The following PAGR1 variants were observed in gnomAD, a reference collection of about 807,000 sequenced individuals.
PAGR1 encodes the protein PAXIP1-associated glutamate-rich protein 1.
In PAGR1, 20 loss-of-function variants were observed where a neutral mutation model predicts 22.4. The ratio of observed to expected loss-of-function variants is 0.89; its 90% CI spans 0.63 to 1.30. PAGR1 has a LOEUF of 1.30. PAGR1 is among the 50% of genes most tolerant of loss of function. PAGR1 has a pLI of 0.00. For synonymous variants in PAGR1, 161 were observed against 148.3 expected (o/e 1.09, Z -0.62); for missense variants, 338 against 343.6 (o/e 0.98, Z 0.13).
In PAGR1 at chr16:29,817,025, C is replaced by A; in HGVS notation, c.482+18C>A. 1 of 1,556,726 alleles carries A rather than the reference C, an allele frequency of 6.4e-7. No individual in the cohort carries two copies. The highest frequency in any genetic ancestry group is 2.3e-5 in the East Asian group (1 of 42,738). ...GAGGAAAAGTAAAGGCACACCCTTACACCTTGTCCCGGGGCTGCTCCCCTG... is the reference window on the plus strand; with the variant it reads ...GAGGAAAAGTAAAGGCACACCCTTAAACCTTGTCCCGGGGCTGCTCCCCTG... On this transcript the variant is annotated intron_variant, in intron 1 of 2. Coordinates refer to ENST00000320330, the MANE Select transcript of PAGR1 (RefSeq NM_024516.4).
At position 29,821,358 on chromosome 16, in the gene PAGR1, G is replaced by A. The variant is rs2067358277; in HGVS notation, c.*1604G>A. On this transcript the variant is annotated 3_prime_UTR_variant, in exon 3 of 3. Coordinates refer to ENST00000320330, the MANE Select transcript of PAGR1 (RefSeq NM_024516.4). ...GTCGGCCCTCGGGTGTGGCTGTTTG[G>A]GCAGGACAGCCCTCTGTATGTAGCC... The A allele has an allele frequency of 6.6e-6, 1 of 152,214 alleles. No individual in the cohort carries two copies. The highest frequency in any genetic ancestry group is 2.4e-5 in the African/African-American group (1 of 41,436). 9.4% of individuals were successfully genotyped at this position (152,214 alleles called of 1,614,324 possible).
In PAGR1 at chr16:29,816,171, C is replaced by G; in HGVS notation, c.-355C>G. ...AGCTCCAGGTGCGTACGGCATCTGA[C>G]TTGACGTGGCCCACAACTGAAAGGT... On this transcript the variant is annotated 5_prime_UTR_variant, in exon 1 of 3. Transcript: ENST00000320330. The G allele has an allele frequency of 5.7e-6, 2 of 348,710 alleles. No individual in the cohort carries two copies. Among genetic ancestry groups the G allele is most frequent in the Non-Finnish European group, 1.0e-5 (2 of 194,248 alleles). 21.6% of individuals were successfully genotyped at this position (348,710 alleles called of 1,614,324 possible).
rs565903622 is a variant in PAGR1, at chr16:29,820,458, G to A, written c.*704G>A. On this transcript the variant is annotated 3_prime_UTR_variant, in exon 3 of 3. Coordinates refer to ENST00000320330, the MANE Select transcript of PAGR1 (RefSeq NM_024516.4). ...CTGCCGGGAAGTGATCCCCAAGGCA[G>A]GGTGAGAGTTCCCCATCTGAGGCGT... is the stretch of plus-strand genomic sequence containing the variant. 4 of 151,504 alleles carry A rather than the reference G, an allele frequency of 2.6e-5. No homozygotes were observed. The East Asian group carries it at 7.7e-4, about 29-fold the overall frequency. The allele number at this position is 151,504 out of a possible 1,614,324, so 9.4% of individuals were successfully genotyped here. A position where few individuals can be genotyped will look rare whatever the true frequency, so the allele number is the denominator to read the frequency against.
chr16:29,817,300 CG>C lies in PAGR1; in HGVS notation c.565+9del. 6.2e-7 allele frequency: 1 copy of C among 1,613,660 alleles called. No individual in the cohort carries two copies. The highest frequency in any genetic ancestry group is 1.3e-5 in the African/African-American group (1 of 74,972). On this transcript the variant is annotated intron_variant, in intron 2 of 2. Transcript: ENST00000320330. ...ACCGGAGACGCACCCCAGGTACAAA[CG>C]AAGAGGAAACAGTTGGGGGAGGTGA... is the stretch of plus-strand genomic sequence containing the variant.
Position 29,819,911 on chromosome 16 carries a change from G to A in PAGR1, c.*157G>A. 1 of 803,532 alleles carries A rather than the reference G, an allele frequency of 1.2e-6. No individual in the cohort carries two copies. Among genetic ancestry groups the A allele is most frequent in the Non-Finnish European group, 1.9e-6 (1 of 523,522 alleles). 49.8% of individuals were successfully genotyped at this position (803,532 alleles called of 1,614,324 possible). On this transcript the variant is annotated 3_prime_UTR_variant, in exon 3 of 3. Transcript: ENST00000320330. The stretch of plus-strand genomic sequence containing the variant: ...AAAGAGGAAGAGAGAGTGTGAGTGT[G>A]TGTGTGTGTTTTTTCTATTGAACAC...
rs577338099 is a variant in PAGR1, at chr16:29,817,056, G to A, written c.482+49G>A. 26 of 1,553,352 alleles carry A rather than the reference G, an allele frequency of 1.7e-5. 1 individual carries two copies. The highest frequency in any genetic ancestry group is 1.7e-4 in the Middle Eastern group (1 of 5,898). ...GTCCCGGGGCTGCTCCCCTGATGGC[G>A]GGAGGAAATAGGGAGGGGAAAATGT... On this transcript the variant is annotated intron_variant, in intron 1 of 2. Transcript: ENST00000320330.
intron 1 of PAGR1, 88 bp downstream of exon 1, chr16:29,817,095 C>T (rs1005170168): frequency 4.5e-6 from 7 of 1,572,886 alleles, no homozygotes; most frequent in African/African-American, 2.7e-5. Context: ...ACGCTGGAAC[C>T]TTTGAAAGTG....
At chr16:29,817,555 C>G (rs1161474617) in intron 2 of PAGR1, among the ~76,000 whole-genome samples, 1 of 144,792 alleles carries the variant, frequency 6.9e-6, no homozygotes, top group Non-Finnish European at 1.5e-5. Context: ...CTCACTGCAA[C>G]CTCCGCCTCC....
chr16:29,816,206 A>C lies in PAGR1; in HGVS notation c.-320A>C. On this transcript the variant is annotated 5_prime_UTR_variant, in exon 1 of 3. Transcript: ENST00000320330. ...CCCACAACTGAAAGGTCTGGGGAGA[A>C]GGCGCCGTGTCCGGGTGTGGAGAGG... The C allele has an allele frequency of 2.6e-6, 1 of 387,776 alleles. No homozygotes were observed. 24.0% of individuals were successfully genotyped at this position (387,776 alleles called of 1,614,324 possible).
intron 2 of PAGR1, 178 bp from the exon 3 acceptor site, chr16:29,819,377 A>G (rs1363102167): frequency 3.0e-6 from 2 of 659,782 alleles, no homozygotes; most frequent in African/African-American, 1.8e-5. Context: ...CCTTCCTGTC[A>G]ATCAAGATCT....
At chr16:29,817,372 T>G in intron 2 of PAGR1, 80 bp downstream of exon 2, 1 of 1,380,736 alleles carries the variant, frequency 7.2e-7, no homozygotes, top group Non-Finnish European at 1.0e-6. Flanking sequence ...TAGAGGCCTT[T>G]GCTTGCTGCC....
Position 29,817,267 on chromosome 16 carries a change from C to T in PAGR1, c.540C>T (p.Ser180=), listed in dbSNP as rs773539254. The T allele has an allele frequency of 5.6e-6, 9 of 1,613,878 alleles. No individual in the cohort carries two copies. The Admixed American group carries it at 1.2e-4, about 21-fold the overall frequency. ...FDDEPVTPKD[S]LIDRRRTPGS... ...ATGAGCCAGTGACACCAAAGGACTCCCTGATTGACCGGAGACGCACCCCAG... is the reference window on the plus strand; with the variant it reads ...ATGAGCCAGTGACACCAAAGGACTCTCTGATTGACCGGAGACGCACCCCAG... Residue 180 remains serine (S), a synonymous_variant, in exon 2 of 3, where the codon TCC becomes TCT. Coordinates refer to ENST00000320330, the MANE Select transcript of PAGR1 (RefSeq NM_024516.4).
Position 29,816,893 on chromosome 16 carries a change from G to T in PAGR1, c.368G>T (p.Gly123Val). The T allele has an allele frequency of 6.4e-7, 1 of 1,563,130 alleles. No homozygotes were observed. The stretch of plus-strand genomic sequence containing the variant: ...CTCTATGAACTGCTGGCTGCCCACG[G>T]TACTCTGGAGCTGCAAGCCGAGATC... ...QRLYELLAAH[G>V]TLELQAEILP... is the part of the protein sequence containing the mutation. Residue 123 changes from glycine to valine, a missense_variant, in exon 1 of 3, where the codon GGT (glycine) becomes GTT (valine). Gly to Val is a moderately radical substitution (Grantham distance 109). Around this residue, in one of 3 missense-constraint regions of PAGR1, gnomAD observed 235 missense variants for 216.0 expected, o/e 1.09. Transcript: ENST00000320330.
chr16:29,816,168 T>C lies in PAGR1; in HGVS notation c.-358T>C. ...CTTAGCTCCAGGTGCGTACGGCATC[T>C]GACTTGACGTGGCCCACAACTGAAA... is the stretch of plus-strand genomic sequence containing the variant. On this transcript the variant is annotated 5_prime_UTR_variant, in exon 1 of 3. Transcript: ENST00000320330. 2.9e-6 allele frequency: 1 copy of C among 343,258 alleles called. No individual in the cohort carries two copies. Among genetic ancestry groups the C allele is most frequent in the Non-Finnish European group, 5.2e-6 (1 of 190,842 alleles). The allele number at this position is 343,258 out of a possible 1,614,324, so 21.3% of individuals were successfully genotyped here.
Position 29,816,677 on chromosome 16 carries a change from AAGGAGGCCGAG to A in PAGR1, c.158_168del (p.Gly53AspfsTer4). Reference sequence around the variant, plus strand: ...GCCGGTAAGGCCGAGGACGAGGGGGAAGGAGGCCGAGAGGAGACCGAGCGTGAGGGGTCCGG... The same window carrying A: ...GCCGGTAAGGCCGAGGACGAGGGGGAAGGAGACCGAGCGTGAGGGGTCCGG... On this transcript the variant is annotated frameshift_variant, in exon 1 of 3. Coordinates refer to ENST00000320330, the MANE Select transcript of PAGR1 (RefSeq NM_024516.4). LOFTEE classifies it high-confidence loss of function. 2.5e-6 allele frequency: 4 copies of A among 1,593,228 alleles called. No homozygotes were observed. Among genetic ancestry groups the A allele is most frequent in the Non-Finnish European group, 3.4e-6 (4 of 1,167,706 alleles).
chr16:29,816,415 G>C lies in PAGR1; in HGVS notation c.-111G>C. ...GGTCTGGCCGCGGAGTCCCCTGCGG[G>C]AGCGTGATTGGCTGGAAACGGTCCC... On this transcript the variant is annotated 5_prime_UTR_variant, in exon 1 of 3. Transcript: ENST00000320330. The C allele has an allele frequency of 1.7e-6, 2 of 1,155,822 alleles. No homozygotes were observed. The highest frequency in any genetic ancestry group is 2.3e-6 in the Non-Finnish European group (2 of 888,574). The allele number at this position is 1,155,822 out of a possible 1,614,324, so 71.6% of individuals were successfully genotyped here. A position where few individuals can be genotyped will look rare whatever the true frequency, so the allele number is the denominator to read the frequency against.
chr16:29,820,503 T>A lies in PAGR1; in HGVS notation c.*749T>A, dbSNP rs1341898777. The A allele has an allele frequency of 6.6e-6, 1 of 152,258 alleles. No homozygotes were observed. The highest frequency in any genetic ancestry group is 2.4e-5 in the African/African-American group (1 of 41,444). The allele number at this position is 152,258 out of a possible 1,614,324, so 9.4% of individuals were successfully genotyped here. The stretch of plus-strand genomic sequence containing the variant: ...AGGCGTTTGTTGCAGCTACCTGCAC[T>A]TCTAGATGTGAGTACATTGTACTAG... On this transcript the variant is annotated 3_prime_UTR_variant, in exon 3 of 3. Transcript: ENST00000320330.
rs1036650461 is a variant in PAGR1, at chr16:29,821,814, G to A, written c.*2060G>A. On this transcript the variant is annotated 3_prime_UTR_variant, in exon 3 of 3. Transcript: ENST00000320330. ...GCACAGATTAAGCTCATCTGAAGTG[G>A]GAGCTGTTACTTAGGGGCGTTTGCC... Among the ~76,000 whole-genome samples, 1 of 152,204 alleles carries A rather than the reference G, an allele frequency of 6.6e-6. No individual in the cohort carries two copies. Among genetic ancestry groups the A allele is most frequent in the Non-Finnish European group, 1.5e-5 (1 of 68,038 alleles).
Position 29,816,734 on chromosome 16 carries a change from A to C in PAGR1, c.209A>C (p.Glu70Ala). ...EGSGGEEAQG[E>A]VPSAGGEEPA... ...TCCGGGGGCGAGGAGGCGCAGGGAG[A>C]AGTCCCCAGCGCTGGGGGAGAAGAG... is the stretch of plus-strand genomic sequence containing the variant. The change falls in exon 1 of 3, where the codon GAA becomes GCA. Residue 70 changes from glutamate to alanine, a missense_variant. By Grantham distance (107) the Glu-to-Ala change is moderately radical. Around this residue, in one of 3 missense-constraint regions of PAGR1, gnomAD observed 235 missense variants for 216.0 expected, o/e 1.09. Coordinates refer to ENST00000320330, the MANE Select transcript of PAGR1 (RefSeq NM_024516.4). 1 of 1,603,962 alleles carries C rather than the reference A, an allele frequency of 6.2e-7. No individual in the cohort carries two copies. Among genetic ancestry groups the C allele is most frequent in the Non-Finnish European group, 8.5e-7 (1 of 1,176,064 alleles).
Sources: allele counts gnomAD v4.1 joint callset (sites outside exome capture counted in the v4.1 genomes callset), GRCh38; gene constraint gnomAD v4.1.1; regional missense constraint gnomAD v4.1.1; transcripts MANE v1.5; gene names NCBI Gene and HGNC (gene_info 2026-07-23, HGNC 2026-07-21).